The following MGAT4C variants were observed in gnomAD, a reference collection of about 807,000 sequenced individuals.
MGAT4C encodes the protein MGAT4 family member C.
In MGAT4C, 19 loss-of-function variants were observed where a neutral mutation model predicts 40.1. That is an observed-to-expected ratio of 0.47 (90% CI 0.33 to 0.70). The LOEUF (loss-of-function observed/expected upper bound fraction) is 0.70, where lower values mean the gene tolerates loss of function less well. Among genes scored for constraint, MGAT4C ranks in the 30% least tolerant of loss-of-function variants. The pLI is 0.02. For missense variants in MGAT4C, 491 were observed against 563.2 expected (o/e 0.87, Z 1.30); for synonymous variants, 181 against 187.1 (o/e 0.97, Z 0.27).
intron 1 of MGAT4C, among the ~76,000 whole-genome samples, chr12:86,118,497 T>C (rs899915980): frequency 3.9e-5 from 6 of 152,116 alleles, no homozygotes; most frequent in African/African-American, 1.4e-4. Flanking sequence ...TCCTTGACTA[T>C]GCAGTACTGT....
At chr12:86,448,463 A>G (rs1160947206) in intron 2 of MGAT4C, among the ~76,000 whole-genome samples, 1 of 152,166 alleles carries the variant, frequency 6.6e-6, no homozygotes, top group Non-Finnish European at 1.5e-5. Flanking sequence ...ACCCTATCTT[A>G]ATATGCTTCA....
rs530726202 is a variant in MGAT4C at position 86,017,165 on chromosome 12, G to A, written c.-6-27613C>T. Among the ~76,000 whole-genome samples, 9 of 152,114 alleles carry A rather than the reference G, an allele frequency of 5.9e-5. No individual in the cohort carries two copies. The South Asian group carries it at 1.2e-3, about 21-fold the overall frequency. ...GTATTATATCACTTGAGTACTCAGC[G>A]GAGTGTTTAAAAAGATTGCAACTAC... On this transcript the variant is annotated intron_variant, in intron 2 of 4. Transcript: ENST00000611864.
chr12:86,401,786 A>C (rs1203236256), intron 3 of MGAT4C, among the ~76,000 whole-genome samples: 7 of 152,134 alleles, frequency 4.6e-5, no homozygotes, highest in African/African-American at 1.7e-4. Flanking sequence ...CTAGTTTCAA[A>C]TATTTGCAAC....
chr12:86,006,224 T>C lies in MGAT4C; in HGVS notation c.-6-16672A>G, dbSNP rs145508800. 2.1e-3 allele frequency among the ~76,000 whole-genome samples: 323 copies of C among 152,250 alleles called. 2 individuals carry two copies. Among genetic ancestry groups the C allele is most frequent in the African/African-American group, 7.2e-3 (299 of 41,560 alleles). On this transcript the variant is annotated intron_variant, in intron 2 of 4. Coordinates refer to ENST00000611864, the MANE Select transcript of MGAT4C (RefSeq NM_001351288.2). ...CATTCAACCTGCAAACCCAGAAGCT[T>C]TGTCAGTTTGCCGCTGCCATCCCCA...
chr12:86,363,972 T>TCACA (rs58352727), intron 3 of MGAT4C, among the ~76,000 whole-genome samples: 12,084 of 148,714 alleles, frequency 0.081, 660 homozygotes, highest in Middle Eastern at 0.21. Flanking sequence ...TCTCTCTCTC[T>TCACA]CACACACACA....
At position 86,191,116 on chromosome 12, in the gene MGAT4C, CA is replaced by C. The variant is rs1377354234; in HGVS notation, c.-57+65122del. Among the ~76,000 whole-genome samples, 1,114 of 148,800 alleles carry C rather than the reference CA, an allele frequency of 7.5e-3. 19 individuals carry two copies. The highest frequency in any genetic ancestry group is 0.027 in the African/African-American group (1,065 of 39,764). On this transcript the variant is annotated intron_variant, in intron 1 of 4. Transcript: ENST00000611864. ...ACACACACACACACACACACACACA[CA>C]CACACACACACACACACCCCTATAG...
intron 2 of MGAT4C, among the ~76,000 whole-genome samples, chr12:86,603,525 CTATA>C (rs1221132941): frequency 0.016 from 346 of 21,994 alleles, 6 homozygotes; most frequent in South Asian, 0.055. Flanking sequence ...AGTCTATAGA[CTATA>C]TATAGTCTAT....
At chr12:85,989,373 A>C in intron 3 of MGAT4C, 27 bp downstream of exon 3, 1 of 1,540,302 alleles carries the variant, frequency 6.5e-7, no homozygotes, top group Non-Finnish European at 8.8e-7. Context: ...TATTTTGAAG[A>C]AAAGACAATC....
Position 86,547,021 on chromosome 12 carries a change from T to C in MGAT4C, c.-228-111756A>G, listed in dbSNP as rs531066161. Among the ~76,000 whole-genome samples, 11 of 152,080 alleles carry C rather than the reference T, an allele frequency of 7.2e-5. No homozygotes were observed. The South Asian group carries it at 1.7e-3, about 23-fold the overall frequency. ...TATTATTATGGCAACACAGATATAT[T>C]ATGTAAAAATTTTTTTCCAGGGTAA... On this transcript the variant is annotated intron_variant, in intron 2 of 7. Coordinates refer to the MGAT4C transcript ENST00000548651.
At chr12:86,767,179 G>A (rs1164762563) in intron 1 of MGAT4C, among the ~76,000 whole-genome samples, 4 of 151,904 alleles carry the variant, frequency 2.6e-5, no homozygotes, top group Non-Finnish European at 4.4e-5. Flanking sequence ...ATGATAAAGG[G>A]GTTATCACCA....
chr12:86,838,608 A>T lies in MGAT4C; in HGVS notation c.-262+58T>A, dbSNP rs558749510. 5.3e-5 allele frequency: 8 copies of T among 152,316 alleles called. No individual in the cohort carries two copies. In the South Asian group the frequency reaches 1.7e-3, roughly 32 times the overall value. 9.4% of individuals were successfully genotyped at this position (152,316 alleles called of 1,614,324 possible). A position where few individuals can be genotyped will look rare whatever the true frequency, so the allele number is the denominator to read the frequency against. On this transcript the variant is annotated intron_variant, in intron 1 of 7. Coordinates refer to the MGAT4C transcript ENST00000548651. The stretch of plus-strand genomic sequence containing the variant: ...TTTTACAGGTTTGGATCCCTAGCTC[A>T]TTAGACTATTACCTGATAAAGAAGA...
intron 1 of MGAT4C, among the ~76,000 whole-genome samples, chr12:86,793,778 G>A (rs1952066986): frequency 6.6e-6 from 1 of 151,880 alleles, no homozygotes; most frequent in South Asian, 2.1e-4. Flanking sequence ...AACAATAAAT[G>A]ATTAGAGATT....
At chr12:86,478,673 G>A (rs549991459) in intron 2 of MGAT4C, among the ~76,000 whole-genome samples, 1 of 152,132 alleles carries the variant, frequency 6.6e-6, no homozygotes, top group South Asian at 2.1e-4. Context: ...TAACACTGGA[G>A]CTTTTTGCAA....
chr12:86,028,317 C>T, intron 2 of MGAT4C: 2 of 453,598 alleles, frequency 4.4e-6, no homozygotes. Context: ...TGTCTGCTGA[C>T]ATACGTTGAG....
intron 1 of MGAT4C, among the ~76,000 whole-genome samples, chr12:86,830,879 C>A (rs1952913334): frequency 6.6e-6 from 1 of 151,740 alleles, no homozygotes; most frequent in Non-Finnish European, 1.5e-5. Flanking sequence ...TCCAAAGAAC[C>A]TCTACCTCAT....
rs2136642759 is a variant in MGAT4C, at chr12:85,961,483, A to T, written c.*17806T>A. 6.6e-6 allele frequency: 1 copy of T among 151,728 alleles called. No individual in the cohort carries two copies. Among genetic ancestry groups the T allele is most frequent in the South Asian group, 2.1e-4 (1 of 4,816 alleles). 9.4% of individuals were successfully genotyped at this position (151,728 alleles called of 1,614,324 possible). Reference sequence around the variant, plus strand: ...ATCAAGATAATTATGTATATATATAAAATTATATATGGTATAGTTTCAACT... The same window carrying T: ...ATCAAGATAATTATGTATATATATATAATTATATATGGTATAGTTTCAACT... On this transcript the variant is annotated 3_prime_UTR_variant, in exon 5 of 5. Transcript: ENST00000611864.
chr12:86,422,229 T>C (rs751013117), intron 3 of MGAT4C, among the ~76,000 whole-genome samples: 1 of 152,184 alleles, frequency 6.6e-6, no homozygotes, highest in African/African-American at 2.4e-5. Flanking sequence ...CCTTCTTTAC[T>C]CCTTCTCTCA....
At chr12:86,802,097 T>C (rs541529813) in intron 1 of MGAT4C, among the ~76,000 whole-genome samples, 1 of 151,988 alleles carries the variant, frequency 6.6e-6, no homozygotes. Flanking sequence ...CTCTAAAGTA[T>C]AATTGACACC....
chr12:86,630,879 A>C (rs1305691013), intron 2 of MGAT4C, among the ~76,000 whole-genome samples: 1 of 152,210 alleles, frequency 6.6e-6, no homozygotes, highest in Non-Finnish European at 1.5e-5. Flanking sequence ...TTCCTATTCA[A>C]CATAGTGTTG....
Sources: gnomAD v4.1 joint callset for allele counts (sites outside exome capture counted in the v4.1 genomes callset) on GRCh38, gnomAD v4.1.1 for gene constraint, MANE v1.5 for transcripts, NCBI Gene and HGNC (gene_info 2026-07-23, HGNC 2026-07-21) for gene names.